Variants in TRHDE observed in about 807,000 individuals in gnomAD.
The protein encoded by TRHDE is thyrotropin-releasing hormone-degrading ectoenzyme.
Under a neutral mutation model 125.7 loss-of-function variants are expected in TRHDE, and 72 were observed. The ratio of observed to expected loss-of-function variants is 0.57; its 90% confidence interval spans 0.47 to 0.70. The LOEUF is 0.70. TRHDE is among the 30% of genes least tolerant of loss of function. TRHDE has a pLI of 0.00. For missense variants in TRHDE, 1,110 were observed against 1,327.1 expected (o/e 0.84, Z 2.54); for synonymous variants, 509 against 509.1 (o/e 1.00, Z 0.00).
chr12:72,313,784 A>C (rs1439664194), intron 2 of TRHDE, among the ~76,000 whole-genome samples: 3 of 152,234 alleles, frequency 2.0e-5, no homozygotes, highest in Non-Finnish European at 4.4e-5. Flanking sequence ...CACAGTAAAT[A>C]ACTTTCAAAG....
At position 72,272,596 on chromosome 12, in the gene TRHDE, C is replaced by T; in HGVS notation, c.-48C>T. ...CTCTGGCTGTGGCCCGGGTGGCCCGCCCGCGGGGGGTGCCAGAGGGGGCGG... is the reference window on the plus strand; with the variant it reads ...CTCTGGCTGTGGCCCGGGTGGCCCGTCCGCGGGGGGTGCCAGAGGGGGCGG... On this transcript the variant is annotated 5_prime_UTR_variant, in exon 1 of 19. Transcript: ENST00000261180. The surrounding 1 kb of genome is among the most constrained non-coding windows in gnomAD (Gnocchi z 6.7). 6.3e-6 allele frequency: 5 copies of T among 791,244 alleles called. No individual in the cohort carries two copies. The highest frequency in any genetic ancestry group is 9.5e-6 in the Non-Finnish European group (5 of 524,164). The allele number at this position is 791,244 out of a possible 1,614,324, so 49.0% of individuals were successfully genotyped here.
intron 2 of TRHDE, among the ~76,000 whole-genome samples, chr12:72,149,299 A>G (rs559562427): frequency 5.3e-5 from 8 of 152,290 alleles, no homozygotes; most frequent in African/African-American, 1.9e-4. Context: ...CTCATAGTCC[A>G]TTCCTTCTTA....
chr12:72,593,610 C>T (rs948690072), intron 12 of TRHDE, among the ~76,000 whole-genome samples: 1 of 152,086 alleles, frequency 6.6e-6, no homozygotes, highest in African/African-American at 2.4e-5. Flanking sequence ...TGGTGTGCTG[C>T]ACCTGTTAAC....
intron 2 of TRHDE, among the ~76,000 whole-genome samples, chr12:72,304,594 C>T (rs540961012): frequency 5.3e-5 from 8 of 152,246 alleles, no homozygotes; most frequent in African/African-American, 1.7e-4. Flanking sequence ...CTTTATTTAT[C>T]ATCTTGAGAT....
intron 7 of TRHDE, among the ~76,000 whole-genome samples, chr12:72,548,832 ATGT>A: frequency 6.6e-6 from 1 of 151,810 alleles, no homozygotes; most frequent in South Asian, 2.1e-4. Context: ...ACCATTCTTC[ATGT>A]TGTTATGAGT....
chr12:72,595,350 T>C (rs1871891859), intron 12 of TRHDE, among the ~76,000 whole-genome samples: 1 of 152,158 alleles, frequency 6.6e-6, no homozygotes, highest in Non-Finnish European at 1.5e-5. Flanking sequence ...TTACGAATTA[T>C]CTACTAAGAT....
At chr12:72,319,217 C>T (rs1343441441) in intron 2 of TRHDE, among the ~76,000 whole-genome samples, 1 of 152,112 alleles carries the variant, frequency 6.6e-6, no homozygotes, top group East Asian at 1.9e-4. Flanking sequence ...CTGTAGCCTT[C>T]GTTGCTTTCT....
At chr12:72,572,885 G>A (rs892404911) in intron 10 of TRHDE, among the ~76,000 whole-genome samples, 6 of 151,886 alleles carry the variant, frequency 4.0e-5, no homozygotes, top group Admixed American at 2.6e-4. Context: ...ATGTGAACAG[G>A]AAATAACTTT....
chr12:72,532,617 C>T (rs966934134), intron 6 of TRHDE, among the ~76,000 whole-genome samples: 1 of 151,100 alleles, frequency 6.6e-6, no homozygotes, highest in Non-Finnish European at 1.5e-5. Flanking sequence ...TGAATGAATG[C>T]TAAGTAATAT....
intron 2 of TRHDE, among the ~76,000 whole-genome samples, chr12:72,204,039 T>C (rs774219035): frequency 3.3e-5 from 5 of 152,208 alleles, no homozygotes; most frequent in Non-Finnish European, 7.3e-5. Context: ...ACTTGATTTT[T>C]TTCTGAGTTT....
intron 15 of TRHDE, among the ~76,000 whole-genome samples, chr12:72,637,655 G>C (rs1442579930): frequency 1.1e-3 from 168 of 150,856 alleles, no homozygotes; most frequent in South Asian, 8.6e-3. Flanking sequence ...CTATAAATTT[G>C]CCTCTACACA....
chr12:72,220,311 A>G (rs1233247903), intron 2 of TRHDE, among the ~76,000 whole-genome samples: 4 of 152,094 alleles, frequency 2.6e-5, no homozygotes, highest in Non-Finnish European at 1.5e-5. Flanking sequence ...TTGTTGAAAA[A>G]CTGACATAGA....
intron 7 of TRHDE, among the ~76,000 whole-genome samples, chr12:72,553,346 GC>G (rs1869765590): frequency 6.6e-6 from 1 of 152,130 alleles, no homozygotes; most frequent in Non-Finnish European, 1.5e-5. Flanking sequence ...AAAAGATGAG[GC>G]TTTTTTCTAG....
chr12:72,116,220 A>G (rs761476008), intron 2 of TRHDE, among the ~76,000 whole-genome samples: 1 of 152,200 alleles, frequency 6.6e-6, no homozygotes, highest in Non-Finnish European at 1.5e-5. Flanking sequence ...ATAGTATTCC[A>G]TGGTGTATAT....
intron 2 of TRHDE, among the ~76,000 whole-genome samples, chr12:72,337,435 C>T (rs867622792): frequency 6.6e-6 from 1 of 152,258 alleles, no homozygotes; most frequent in Admixed American, 6.5e-5. Flanking sequence ...CAGGAAGAAA[C>T]AAAGGGAGAA....
intron 3 of TRHDE, among the ~76,000 whole-genome samples, chr12:72,440,153 C>T (rs1227426508): frequency 2.0e-5 from 3 of 151,804 alleles, no homozygotes; most frequent in East Asian, 1.9e-4. Flanking sequence ...CTGTTGTATT[C>T]GATTTGCTAG....
chr12:72,385,991 C>T (rs917810167), intron 3 of TRHDE, among the ~76,000 whole-genome samples: 2 of 152,156 alleles, frequency 1.3e-5, no homozygotes, highest in Non-Finnish European at 2.9e-5. Context: ...GTAGTAACTA[C>T]GTGTACATTG....
intron 15 of TRHDE, among the ~76,000 whole-genome samples, chr12:72,644,305 T>C (rs1393760920): frequency 6.6e-6 from 1 of 151,688 alleles, no homozygotes; most frequent in African/African-American, 2.4e-5. Flanking sequence ...GGTAGGTTCA[T>C]GCATCGAGTA....
At chr12:72,503,366 A>C (rs1255807025) in intron 6 of TRHDE, among the ~76,000 whole-genome samples, 2 of 152,224 alleles carry the variant, frequency 1.3e-5, no homozygotes, top group African/African-American at 4.8e-5. Flanking sequence ...TTTGATTAAC[A>C]AGTTTGGCTG....
Sources: gnomAD v4.1 joint callset for allele counts (sites outside exome capture counted in the v4.1 genomes callset) on GRCh38, gnomAD v4.1.1 for gene constraint, Gnocchi (gnomAD v3.1) non-coding constraint, MANE v1.5 for transcripts, NCBI Gene and HGNC (gene_info 2026-07-23, HGNC 2026-07-21) for gene names.